IGSF21: variants seen among roughly 807,000 people sequenced by gnomAD.
IGSF21 encodes immunoglobulin superfamily member 21.
Under a neutral mutation model 46.8 loss-of-function variants are expected in IGSF21, and 28 were observed. That is an observed-to-expected ratio of 0.60 (90% CI 0.44 to 0.82). The LOEUF is 0.82. Among genes scored for constraint, IGSF21 ranks in the 40% least tolerant of loss-of-function variants. The pLI, the probability that IGSF21 is intolerant of heterozygous loss-of-function variation, is 0.00. For synonymous variants in IGSF21, 284 were observed against 273.6 expected, an observed-to-expected ratio of 1.04 and a Z score of -0.38; for missense variants, 624 against 665.5, an observed-to-expected ratio of 0.94 and a Z score of 0.69.
intron 1 of IGSF21, 118 bp from the exon 2 acceptor site, chr1:18,227,780 G>A: frequency 1.4e-6 from 1 of 711,480 alleles, no homozygotes; most frequent in Non-Finnish European, 2.5e-6. Flanking sequence ...TCAAAGTTGT[G>A]CAACTACAGA....
At chr1:18,213,350 A>C (rs1256999891) in intron 1 of IGSF21, among the ~76,000 whole-genome samples, 1 of 152,100 alleles carries the variant, frequency 6.6e-6, no homozygotes, top group African/African-American at 2.4e-5. Flanking sequence ...GGTATTTTAT[A>C]TCTTATTCAT....
chr1:18,377,846 T>A lies in IGSF21; in HGVS notation c.1334-410T>A, dbSNP rs529552665. 6.8e-4 allele frequency among the ~76,000 whole-genome samples: 104 copies of A among 152,280 alleles called. 1 individual carries two copies. The Middle Eastern group carries it at 0.014, about 20-fold the overall frequency. On this transcript the variant is annotated intron_variant, in intron 9 of 9. Coordinates refer to ENST00000251296, the MANE Select transcript of IGSF21 (RefSeq NM_032880.5). ...ACTCCAGACCACTCCGTAGGGTGGT[T>A]GGGAGCATCAACGGATGTCTCAGTG...
At chr1:18,166,219 T>G (rs1325836696) in intron 1 of IGSF21, among the ~76,000 whole-genome samples, 1 of 152,208 alleles carries the variant, frequency 6.6e-6, no homozygotes, top group Non-Finnish European at 1.5e-5. Context: ...AAAAAAAATT[T>G]TACCTTGTAT....
At chr1:18,134,344 C>A (rs1395645078) in intron 1 of IGSF21, among the ~76,000 whole-genome samples, 2 of 152,242 alleles carry the variant, frequency 1.3e-5, no homozygotes, top group East Asian at 3.9e-4. Context: ...CCCATTTGAG[C>A]TGCCAGAGAT....
intron 1 of IGSF21, among the ~76,000 whole-genome samples, chr1:18,160,211 A>G (rs945038554): frequency 6.6e-5 from 10 of 152,160 alleles, no homozygotes; most frequent in Admixed American, 6.5e-4. Flanking sequence ...CCAGATAGAA[A>G]AGCCTCACTG....
rs1213037759 is a variant in IGSF21 at position 18,108,095 on chromosome 1, G to A, written c.-34G>A. On this transcript the variant is annotated 5_prime_UTR_variant, in exon 1 of 10. Coordinates refer to ENST00000251296, the MANE Select transcript of IGSF21 (RefSeq NM_032880.5). ...ACCCGCCGCCACCGCCTCCACCCCC[G>A]CCGCCCCGCCACCGCCGCCAGCTCC... 3 of 1,095,160 alleles carry A rather than the reference G, an allele frequency of 2.7e-6. No individual in the cohort carries two copies. Among genetic ancestry groups the A allele is most frequent in the Non-Finnish European group, 3.7e-6 (3 of 813,734 alleles). The allele number at this position is 1,095,160 out of a possible 1,614,324, so 67.8% of individuals were successfully genotyped here.
At chr1:18,358,575 C>G (rs1048474753) in intron 4 of IGSF21, among the ~76,000 whole-genome samples, 2 of 152,202 alleles carry the variant, frequency 1.3e-5, no homozygotes, top group Non-Finnish European at 2.9e-5. Context: ...TGTGAATGCT[C>G]CAAAGGTACG....
At chr1:18,164,215 G>A (rs11803718) in intron 1 of IGSF21, among the ~76,000 whole-genome samples, 3,644 of 152,228 alleles carry the variant, frequency 0.024, 124 homozygotes, top group East Asian at 0.081. Flanking sequence ...GGACTAATAA[G>A]TAGCAGAGTT....
At chr1:18,180,607 C>G (rs915038004) in intron 1 of IGSF21, among the ~76,000 whole-genome samples, 2 of 152,210 alleles carry the variant, frequency 1.3e-5, no homozygotes, top group African/African-American at 4.8e-5. Context: ...CTGATGATTT[C>G]CCTTCCTACT....
At chr1:18,108,248 A>G in intron 1 of IGSF21, 50 bp downstream of exon 1, 1 of 1,313,202 alleles carries the variant, frequency 7.6e-7, no homozygotes, top group South Asian at 2.1e-5. Flanking sequence ...GTGCGCGGGG[A>G]CGGGGTGCCG....
At chr1:18,307,150 T>A (rs2085434527) in intron 3 of IGSF21, among the ~76,000 whole-genome samples, 1 of 152,138 alleles carries the variant, frequency 6.6e-6, no homozygotes, top group Non-Finnish European at 1.5e-5. Flanking sequence ...TGTCTTGTTT[T>A]TTTTTTCCCC....
chr1:18,271,941 G>C (rs572824240), intron 2 of IGSF21, among the ~76,000 whole-genome samples: 1 of 152,166 alleles, frequency 6.6e-6, no homozygotes, highest in East Asian at 1.9e-4. Context: ...GCATGGCAAT[G>C]GTCATAGCCT....
chr1:18,231,533 T>C (rs1287493247), intron 2 of IGSF21, among the ~76,000 whole-genome samples: 2 of 152,200 alleles, frequency 1.3e-5, no homozygotes, highest in African/African-American at 2.4e-5. Context: ...CTCAAGGAAG[T>C]ATGTGTAATC....
At chr1:18,176,949 C>T (rs547184297) in intron 1 of IGSF21, among the ~76,000 whole-genome samples, 2 of 152,258 alleles carry the variant, frequency 1.3e-5, no homozygotes, top group South Asian at 4.1e-4. Flanking sequence ...TGACATACAG[C>T]GCTTCCTATA....
At chr1:18,320,829 G>T (rs2085593868) in intron 3 of IGSF21, among the ~76,000 whole-genome samples, 1 of 152,190 alleles carries the variant, frequency 6.6e-6, no homozygotes, top group Non-Finnish European at 1.5e-5. Context: ...GTTCAGTGAG[G>T]TTTATCATTC....
intron 3 of IGSF21, 100 bp downstream of exon 3, chr1:18,292,087 G>C: frequency 7.8e-7 from 1 of 1,279,894 alleles, no homozygotes; most frequent in Non-Finnish European, 1.1e-6. Context: ...CAATCCCTCG[G>C]TGCTCTTGGG....
At chr1:18,210,660 G>C (rs61762141) in intron 1 of IGSF21, among the ~76,000 whole-genome samples, 23,035 of 152,056 alleles carry the variant, frequency 0.15, 2,149 homozygotes, top group Non-Finnish European at 0.2. Context: ...TGTGCTTGGA[G>C]CCAGATGACT....
chr1:18,361,966 A>T, intron 4 of IGSF21, 149 bp from the exon 5 acceptor site: 1 of 613,394 alleles, frequency 1.6e-6, no homozygotes, highest in East Asian at 2.8e-5. Context: ...ACTGTAGTGG[A>T]TACCAATGGC....
At position 18,108,191 on chromosome 1, in the gene IGSF21, G is replaced by A; in HGVS notation, c.63G>A (p.Leu21=). The A allele has an allele frequency of 7.0e-7, 1 of 1,431,352 alleles. No homozygotes were observed. The highest frequency in any genetic ancestry group is 9.1e-7 in the Non-Finnish European group (1 of 1,093,960). The allele number at this position is 1,431,352 out of a possible 1,614,324, so 88.7% of individuals were successfully genotyped here. A position where few individuals can be genotyped will look rare whatever the true frequency, so the allele number is the denominator to read the frequency against. The change falls in exon 1 of 10, where the codon CTG becomes CTA. Residue 21 remains leucine, a synonymous_variant. Transcript: ENST00000251296. ...TGCTGCTCGCCGCGATCCTGGACCT[G>A]GCGCGCGGTGAGTGCGCGGGCGCCT... ...VCLLLAAILD[L]ARGYLTVNIE...
Sources: gnomAD v4.1 joint callset for allele counts (sites outside exome capture counted in the v4.1 genomes callset) on GRCh38, gnomAD v4.1.1 for gene constraint, MANE v1.5 for transcripts, NCBI Gene and HGNC (gene_info 2026-07-23, HGNC 2026-07-21) for gene names.